Variants in KCNH8 observed in about 807,000 individuals in gnomAD.
The protein encoded by KCNH8 is voltage-gated delayed rectifier potassium channel KCNH8.
KCNH8 carries 70 observed loss-of-function variants against 103.6 expected under a neutral mutation model. The ratio of observed to expected loss-of-function variants is 0.68; its 90% CI spans 0.56 to 0.82. The LOEUF (loss-of-function observed/expected upper bound fraction) is 0.82. KCNH8 is among the 40% of genes least tolerant of loss of function. KCNH8 has a pLI of 0.00. For missense variants in KCNH8, 1,217 were observed against 1,329.9 expected (o/e 0.92, Z 1.32); for synonymous variants, 498 against 489.4 (o/e 1.02, Z -0.23).
At chr3:19,374,046 G>A (rs1025745685) in intron 5 of KCNH8, among the ~76,000 whole-genome samples, 2 of 151,846 alleles carry the variant, frequency 1.3e-5, no homozygotes, top group African/African-American at 4.8e-5. Flanking sequence ...GTCAATTTTG[G>A]AATAGGTGTG....
rs748534271 is a variant in KCNH8 at position 19,342,724 on chromosome 3, A to G, written c.570+10A>G. 2.5e-6 allele frequency: 4 copies of G among 1,598,088 alleles called. No homozygotes were observed. The South Asian group carries it at 3.3e-5, about 13-fold the overall frequency. On this transcript the variant is annotated intron_variant, in intron 4 of 15. Transcript: ENST00000328405. ...ATTGAAAATAAATAACGTAGGTGGTATGTGTGTACAGGATGAATGCTAGTG... is the reference window on the plus strand; with the variant it reads ...ATTGAAAATAAATAACGTAGGTGGTGTGTGTGTACAGGATGAATGCTAGTG...
chr3:19,294,571 T>C (rs953869906), intron 3 of KCNH8, among the ~76,000 whole-genome samples: 2 of 152,250 alleles, frequency 1.3e-5, no homozygotes, highest in African/African-American at 2.4e-5. Flanking sequence ...AGAGCTCATA[T>C]AGATGCTTAA....
At chr3:19,265,612 G>T (rs1344049420) in intron 2 of KCNH8, among the ~76,000 whole-genome samples, 2 of 151,950 alleles carry the variant, frequency 1.3e-5, no homozygotes, top group Non-Finnish European at 2.9e-5. Flanking sequence ...ACCCTGGCCT[G>T]TGGGCTGGTT....
chr3:19,411,125 T>C (rs994008889), intron 7 of KCNH8, among the ~76,000 whole-genome samples: 1 of 151,906 alleles, frequency 6.6e-6, no homozygotes, highest in Non-Finnish European at 1.5e-5. Flanking sequence ...CAACAAAATA[T>C]AGCAAACCAA....
intron 1 of KCNH8, among the ~76,000 whole-genome samples, chr3:19,189,094 G>A (rs2063528059): frequency 6.6e-6 from 1 of 151,940 alleles, no homozygotes; most frequent in Non-Finnish European, 1.5e-5. Context: ...GCTTACAATT[G>A]CAGGAATTTT....
At chr3:19,247,439 C>G (rs769674496) in intron 1 of KCNH8, among the ~76,000 whole-genome samples, 2 of 152,150 alleles carry the variant, frequency 1.3e-5, no homozygotes, top group Non-Finnish European at 2.9e-5. Context: ...TGACTGTGTT[C>G]AATATCACAA....
At chr3:19,406,534 T>G (rs1239415122) in intron 7 of KCNH8, among the ~76,000 whole-genome samples, 5 of 152,162 alleles carry the variant, frequency 3.3e-5, no homozygotes, top group Non-Finnish European at 7.4e-5. Flanking sequence ...CCTAGTATTT[T>G]AAGACTTCTG....
chr3:19,217,517 C>G (rs1269135735), intron 1 of KCNH8, among the ~76,000 whole-genome samples: 2 of 152,170 alleles, frequency 1.3e-5, no homozygotes, highest in Non-Finnish European at 2.9e-5. Context: ...CAAATACTTA[C>G]ATAATATTTA....
At chr3:19,277,753 A>G (rs1340348977) in intron 2 of KCNH8, among the ~76,000 whole-genome samples, 2 of 152,188 alleles carry the variant, frequency 1.3e-5, no homozygotes, top group African/African-American at 2.4e-5. Flanking sequence ...AGATTTTTCC[A>G]TATAAGGTAA....
Position 19,307,929 on chromosome 3 carries a change from AAAG to A in KCNH8, c.442+26603_442+26605del, listed in dbSNP as rs372243674. Among the ~76,000 whole-genome samples the A allele has an allele frequency of 2.3e-3, 355 of 151,992 alleles. 2 individuals are homozygous for A. Among genetic ancestry groups the A allele is most frequent in the African/African-American group, 7.6e-3 (314 of 41,496 alleles). ...AGGGAGGAACAGGAAGAGATTTGCT[AAAG>A]AATACAAAATTTTAACTGGATAGGA... On this transcript the variant is annotated intron_variant, in intron 3 of 15. Transcript: ENST00000328405.
chr3:19,200,394 A>C (rs1013368171), intron 1 of KCNH8, among the ~76,000 whole-genome samples: 5 of 152,062 alleles, frequency 3.3e-5, no homozygotes, highest in Non-Finnish European at 5.9e-5. Context: ...AAGTTTATAA[A>C]ATTTTATATT....
At chr3:19,316,879 C>T (rs2065281468) in intron 3 of KCNH8, among the ~76,000 whole-genome samples, 1 of 151,890 alleles carries the variant, frequency 6.6e-6, no homozygotes, top group African/African-American at 2.4e-5. Context: ...TCTGTCTTTC[C>T]AGCTCCATTT....
intron 5 of KCNH8, among the ~76,000 whole-genome samples, chr3:19,373,289 T>A (rs2066132228): frequency 6.6e-6 from 1 of 152,206 alleles, no homozygotes; most frequent in African/African-American, 2.4e-5. Flanking sequence ...GAATTTCAGA[T>A]CCTGTTATTG....
At position 19,364,074 on chromosome 3, in the gene KCNH8, C is replaced by A. The variant is rs551595414; in HGVS notation, c.811+16109C>A. ...CATCCATTCGTCTCTTAGTGTTTGGCTCCCTCTCTCCCTTCCTCTCTTCCT... is the reference window on the plus strand; with the variant it reads ...CATCCATTCGTCTCTTAGTGTTTGGATCCCTCTCTCCCTTCCTCTCTTCCT... On this transcript the variant is annotated intron_variant, in intron 5 of 15. Coordinates refer to ENST00000328405, the MANE Select transcript of KCNH8 (RefSeq NM_144633.3). 8.4e-4 allele frequency among the ~76,000 whole-genome samples: 128 copies of A among 152,142 alleles called. 1 individual carries two copies. Among genetic ancestry groups the A allele is most frequent in the African/African-American group, 3.0e-3 (124 of 41,538 alleles).
intron 8 of KCNH8, among the ~76,000 whole-genome samples, chr3:19,443,113 A>G (rs2125176242): frequency 6.6e-6 from 1 of 151,970 alleles, no homozygotes; most frequent in Middle Eastern, 3.4e-3. Flanking sequence ...GTTACCATAG[A>G]CTTAAGTCTA....
rs1353948619 is a variant in KCNH8 at position 19,421,155 on chromosome 3, C to T, written c.1178-17009C>T. ...TTTATTCTTTAGAAAGGACATATTA[C>T]ATCTTTGGGTAACAAGATAAATAGG... On this transcript the variant is annotated intron_variant, in intron 7 of 15. Transcript: ENST00000328405. Among the ~76,000 whole-genome samples the T allele has an allele frequency of 2.0e-5, 3 of 152,224 alleles. No individual in the cohort carries two copies. In the East Asian group the frequency reaches 5.8e-4, roughly 29 times the overall value.
At chr3:19,377,744 A>G (rs2066231610) in intron 5 of KCNH8, among the ~76,000 whole-genome samples, 1 of 152,190 alleles carries the variant, frequency 6.6e-6, no homozygotes, top group Admixed American at 6.5e-5. Flanking sequence ...TAGATGGTGG[A>G]GAACTGTGTG....
At chr3:19,353,907 T>C (rs1439491505) in intron 5 of KCNH8, among the ~76,000 whole-genome samples, 1 of 152,032 alleles carries the variant, frequency 6.6e-6, no homozygotes, top group Admixed American at 6.6e-5. Context: ...GAGAAAGAAA[T>C]AAAGGGTATT....
chr3:19,453,462 T>C (rs780966398), intron 10 of KCNH8, among the ~76,000 whole-genome samples: 4 of 152,192 alleles, frequency 2.6e-5, no homozygotes, highest in African/African-American at 9.6e-5. Flanking sequence ...AGAGAACTAA[T>C]ATGTATTGAA....
Sources: gnomAD v4.1 joint callset for allele counts (sites outside exome capture counted in the v4.1 genomes callset) on GRCh38, gnomAD v4.1.1 for gene constraint, MANE v1.5 for transcripts, NCBI Gene and HGNC (gene_info 2026-07-23, HGNC 2026-07-21) for gene names.